The following LPCAT4 variants were observed in gnomAD, a reference collection of about 807,000 sequenced individuals.
The protein encoded by LPCAT4 is lysophosphatidylcholine acyltransferase 4.
A neutral mutation model predicts 66.5 loss-of-function variants in LPCAT4; 30 were observed. That is an observed-to-expected ratio of 0.45 (90% CI 0.34 to 0.61). The LOEUF (loss-of-function observed/expected upper bound fraction) is 0.61. Among genes scored for constraint, LPCAT4 ranks in the 20% least tolerant of loss-of-function variants. The probability of loss-of-function intolerance (pLI) is 0.01; values close to 1 mark genes in which losing one functional copy is unlikely to be tolerated. For missense variants in LPCAT4, 557 were observed against 656.7 expected, an observed-to-expected ratio of 0.85 and a Z score of 1.66; for synonymous variants, 253 against 262.1, an observed-to-expected ratio of 0.97 and a Z score of 0.34.
chr15:34,364,133 A>C (rs1156655173), intron 4 of LPCAT4, 60 bp from the exon 5 acceptor site: 1 of 1,593,224 alleles, frequency 6.3e-7, no homozygotes, highest in Non-Finnish European at 8.6e-7. Flanking sequence ...GGAGAGAGGA[A>C]AGGGAAGCCT....
chr15:34,362,905 C>T (rs1473694718), intron 7 of LPCAT4, 69 bp from the exon 8 acceptor site: 1 of 1,499,008 alleles, frequency 6.7e-7, no homozygotes, highest in African/African-American at 1.4e-5. Flanking sequence ...TCCCACACCC[C>T]ACTCCCCTTC....
At position 34,363,547 on chromosome 15, in the gene LPCAT4, C is replaced by T; in HGVS notation, c.712-91G>A. 6.3e-7 allele frequency: 1 copy of T among 1,597,404 alleles called. No individual in the cohort carries two copies. Among genetic ancestry groups the T allele is most frequent in the Non-Finnish European group, 8.6e-7 (1 of 1,165,480 alleles). ...CTTTGAACAGAGGGCCTGATCCCAC[C>T]TCTGGTCACAGCCCCCAATGCACAT... On this transcript the variant is annotated intron_variant, in intron 6 of 13. Transcript: ENST00000314891. The surrounding 1 kb of genome is among the most constrained non-coding windows in gnomAD (Gnocchi z 4.3).
At chr15:34,362,410 T>C in intron 9 of LPCAT4, 89 bp from the exon 10 acceptor site, 2 of 1,534,356 alleles carry the variant, frequency 1.3e-6, no homozygotes, top group South Asian at 2.3e-5. Context: ...CTGACTGGAG[T>C]AGATCAGGCC....
At position 34,363,861 on chromosome 15, in the gene LPCAT4, T is replaced by A; in HGVS notation, c.653-142A>T. 7.7e-7 allele frequency: 1 copy of A among 1,298,760 alleles called. No homozygotes were observed. Among genetic ancestry groups the A allele is most frequent in the Non-Finnish European group, 1.1e-6 (1 of 904,230 alleles). 80.5% of individuals were successfully genotyped at this position (1,298,760 alleles called of 1,614,324 possible). A position where few individuals can be genotyped will look rare whatever the true frequency, so the allele number is the denominator to read the frequency against. On this transcript the variant is annotated intron_variant, in intron 5 of 13. Transcript: ENST00000314891. The surrounding 1 kb of genome is among the most constrained non-coding windows in gnomAD (Gnocchi z 4.3). The stretch of plus-strand genomic sequence containing the variant: ...ACTCATTGATAATTTTCTCTCTGAC[T>A]CCTCGACTTGACAGCATTAGCTAGG...
chr15:34,360,205 G>A lies in LPCAT4; in HGVS notation c.1148C>T (p.Thr383Ile). The change falls in exon 12 of 14, where the codon ACC (threonine) becomes ATC (isoleucine). Residue 383 changes from threonine to isoleucine, a missense_variant. Thr to Ile is a moderately conservative substitution (Grantham distance 89). Transcript: ENST00000314891. ...ATCTCGGAAGTCCACCAAACCCTTG[G>A]TATCCTGGTGTGAAAAAGAAACCAG... is the stretch of plus-strand genomic sequence containing the variant. ...AGAFGYFQQDTKGLVDFRDVA... is the reference protein window; with the variant it reads ...AGAFGYFQQDIKGLVDFRDVA... 1 of 1,613,964 alleles carries A rather than the reference G, an allele frequency of 6.2e-7. No homozygotes were observed. The highest frequency in any genetic ancestry group is 8.5e-7 in the Non-Finnish European group (1 of 1,179,916).
intron 3 of LPCAT4, 104 bp from the exon 4 acceptor site, chr15:34,364,410 T>A: frequency 1.2e-5 from 7 of 588,804 alleles, no homozygotes; most frequent in Non-Finnish European, 1.7e-5. Flanking sequence ...TTCTGTTATC[T>A]CTTTTTTTTT....
At position 34,365,584 on chromosome 15, in the gene LPCAT4, G is replaced by A; in HGVS notation, c.232C>T (p.Gln78Ter). The A allele has an allele frequency of 6.2e-7, 1 of 1,614,240 alleles. No homozygotes were observed. The highest frequency in any genetic ancestry group is 8.5e-7 in the Non-Finnish European group (1 of 1,180,036). ...TTCCTCCATCCTGTAATTGGCTCCTGAAGCTGCTCCTCACTAAGACCGGCC... is the reference window on the plus strand; with the variant it reads ...TTCCTCCATCCTGTAATTGGCTCCTAAAGCTGCTCCTCACTAAGACCGGCC... ...QVAGLSEEQL[Q>*]EPITGWRKTV... Residue 78 changes from glutamine (Q) to a stop codon, truncating the protein, a stop_gained, in exon 2 of 14, where the codon CAG (glutamine) becomes TAG (stop). Coordinates refer to ENST00000314891, the MANE Select transcript of LPCAT4 (RefSeq NM_153613.3). LOFTEE classifies it high-confidence loss of function.
intron 12 of LPCAT4, 29 bp downstream of exon 12, chr15:34,360,082 C>G: frequency 6.5e-7 from 1 of 1,529,474 alleles, no homozygotes; most frequent in Non-Finnish European, 9.0e-7. Context: ...AGCCACTAAG[C>G]ACCCCCCACC....
intron 10 of LPCAT4, 87 bp downstream of exon 10, chr15:34,362,109 C>G (rs1168957176): frequency 1.4e-6 from 2 of 1,461,956 alleles, no homozygotes; most frequent in African/African-American, 1.4e-5. Flanking sequence ...TAAGATTTTC[C>G]TTCTTCCTTC....
chr15:34,365,523 A>G (rs1286590837), intron 2 of LPCAT4, 36 bp downstream of exon 2: 1 of 1,613,390 alleles, frequency 6.2e-7, no homozygotes, highest in East Asian at 2.2e-5. Context: ...AGCAGGGAAG[A>G]GAAGTAGGGT....
chr15:34,362,058 T>C, intron 10 of LPCAT4, 138 bp downstream of exon 10: 1 of 1,177,712 alleles, frequency 8.5e-7, no homozygotes, highest in Non-Finnish European at 1.2e-6. Context: ...CCACTTCCTT[T>C]TATTTATTCT....
intron 1 of LPCAT4, 88 bp from the exon 2 acceptor site, chr15:34,365,789 C>G: frequency 6.8e-7 from 1 of 1,470,492 alleles, no homozygotes; most frequent in Non-Finnish European, 9.2e-7. Context: ...GACCCAGGAG[C>G]AGACAGCCAT....
In LPCAT4 at chr15:34,361,643, T is replaced by C. The variant is rs779135956; in HGVS notation, c.1011-111A>G. On this transcript the variant is annotated intron_variant, in intron 10 of 13. Coordinates refer to ENST00000314891, the MANE Select transcript of LPCAT4 (RefSeq NM_153613.3). Reference sequence around the variant, plus strand: ...GTTCTATCAGTACAGGTTTAGCTGCTGTTTTTCTAAGATGTACTGACTCAC... The same window carrying C: ...GTTCTATCAGTACAGGTTTAGCTGCCGTTTTTCTAAGATGTACTGACTCAC... The C allele has an allele frequency of 3.7e-5, 49 of 1,320,230 alleles. 1 individual carries two copies. Among genetic ancestry groups the C allele is most frequent in the Non-Finnish European group, 4.9e-5 (47 of 955,050 alleles). The allele number at this position is 1,320,230 out of a possible 1,614,324, so 81.8% of individuals were successfully genotyped here. A position where few individuals can be genotyped will look rare whatever the true frequency, so the allele number is the denominator to read the frequency against.
At chr15:34,365,280 C>T (rs762240926) in intron 2 of LPCAT4, 52 bp from the exon 3 acceptor site, 2 of 1,532,200 alleles carry the variant, frequency 1.3e-6, no homozygotes, top group South Asian at 2.4e-5. Context: ...AACCCTCACC[C>T]GCCCCCAGGT....
At position 34,358,945 on chromosome 15, in the gene LPCAT4, T is replaced by G. The variant is rs1890873892; in HGVS notation, c.*182A>C. ...TTTTTTAATAGATATAGATATAGAT[T>G]TATATTTATATATAAAATAGTTTTT... On this transcript the variant is annotated 3_prime_UTR_variant, in exon 14 of 14. Coordinates refer to ENST00000314891, the MANE Select transcript of LPCAT4 (RefSeq NM_153613.3). The G allele has an allele frequency of 3.2e-6, 1 of 310,872 alleles. No homozygotes were observed. Among genetic ancestry groups the G allele is most frequent in the Non-Finnish European group, 5.7e-6 (1 of 175,850 alleles). The allele number at this position is 310,872 out of a possible 1,614,324, so 19.3% of individuals were successfully genotyped here.
chr15:34,359,227 G>A lies in LPCAT4; in HGVS notation c.1475C>T (p.Thr492Ile). ...LFSTYLRPPH[T>I]SRGTSQTPNA... ...TGGTGTCTGGGAGGTGCCTCGAGAG[G>A]TGTGTGGGGGGCGCAGGTAGGTGCT... The change falls in exon 14 of 14, where the codon ACC (threonine) becomes ATC (isoleucine). Residue 492 changes from threonine to isoleucine, a missense_variant. Transcript: ENST00000314891. The A allele has an allele frequency of 6.3e-7, 1 of 1,584,970 alleles. No homozygotes were observed.
intron 11 of LPCAT4, 24 bp from the exon 12 acceptor site, chr15:34,360,233 C>A (rs748792352): frequency 6.3e-7 from 1 of 1,587,396 alleles, no homozygotes; most frequent in African/African-American, 1.3e-5. Context: ...GAAACCAGGG[C>A]AATGCGGGGA....
At position 34,362,812 on chromosome 15, in the gene LPCAT4, G is replaced by A. The variant is rs1890978841; in HGVS notation, c.771C>T (p.Ala257=). The change falls in exon 8 of 14, where the codon GCC becomes GCT. Residue 257 remains alanine, a synonymous_variant. Coordinates refer to ENST00000314891, the MANE Select transcript of LPCAT4 (RefSeq NM_153613.3). Reference sequence around the variant, plus strand: ...CATCCACAATGCTGCAGGGCTGAGAGGCTGTGAGCCAGAGGACTTTGAGTC... The same window carrying A: ...CATCCACAATGCTGCAGGGCTGAGAAGCTGTGAGCCAGAGGACTTTGAGTC... ...PGVLKVLWLT[A]SQPCSIVDVE... The A allele has an allele frequency of 6.2e-7, 1 of 1,614,224 alleles. No homozygotes were observed. Among genetic ancestry groups the A allele is most frequent in the Non-Finnish European group, 8.5e-7 (1 of 1,180,034 alleles).
intron 10 of LPCAT4, 106 bp downstream of exon 10, chr15:34,362,090 T>C (rs1890958150): frequency 7.0e-7 from 1 of 1,427,102 alleles, no homozygotes; most frequent in Non-Finnish European, 9.6e-7. Context: ...TCCCAGTTTT[T>C]TTCATTTTTA....
Sources: allele counts gnomAD v4.1 joint callset, GRCh38; gene constraint gnomAD v4.1.1; non-coding constraint Gnocchi (gnomAD v3.1); transcripts MANE v1.5; gene names NCBI Gene and HGNC (gene_info 2026-07-23, HGNC 2026-07-21).